Variants in PDE1C observed in about 807,000 individuals in gnomAD.
PDE1C encodes phosphodiesterase 1C.
In PDE1C, 62 loss-of-function variants were observed where a neutral mutation model predicts 93.1. The observed-to-expected ratio is 0.67, with a 90% CI of 0.54 to 0.82. The LOEUF is 0.82. PDE1C is among the 40% of genes least tolerant of loss of function. The pLI, the probability that PDE1C is intolerant of heterozygous loss-of-function variation, is 0.00. For missense variants in PDE1C, 742 were observed against 884.6 expected (o/e 0.84, Z 2.04); for synonymous variants, 325 against 310.1 (o/e 1.05, Z -0.50).
At chr7:32,367,866 C>T (rs1352690375) in intron 1 of PDE1C, among the ~76,000 whole-genome samples, 1 of 151,918 alleles carries the variant, frequency 6.6e-6, no homozygotes, top group Non-Finnish European at 1.5e-5. Context: ...TTGCTTGAGC[C>T]CAGGAGGTCA....
intron 1 of PDE1C, among the ~76,000 whole-genome samples, chr7:32,236,371 C>A (rs765300549): frequency 1.3e-5 from 2 of 152,084 alleles, no homozygotes; most frequent in Non-Finnish European, 1.5e-5. Context: ...AAAAGACAAG[C>A]TATAGCCTGG....
At chr7:32,384,506 T>A (rs1030412127) in intron 1 of PDE1C, among the ~76,000 whole-genome samples, 5 of 152,112 alleles carry the variant, frequency 3.3e-5, no homozygotes, top group African/African-American at 1.2e-4. Flanking sequence ...AGAGAAAGAA[T>A]ATGCCAGGCA....
chr7:31,842,101 AC>A (rs1791976753), intron 9 of PDE1C, among the ~76,000 whole-genome samples: 2 of 152,122 alleles, frequency 1.3e-5, no homozygotes, highest in Non-Finnish European at 2.9e-5. Context: ...ATAATGCTTG[AC>A]CAAATATCAG....
chr7:32,137,679 T>C (rs750689629), intron 3 of PDE1C, among the ~76,000 whole-genome samples: 2 of 152,230 alleles, frequency 1.3e-5, no homozygotes, highest in Non-Finnish European at 2.9e-5. Flanking sequence ...TACAATTTAT[T>C]CGACCTATTA....
At chr7:31,677,697 T>G in the PDE1C span, among the ~76,000 whole-genome samples, 18,457 of 152,156 alleles carry the variant, frequency 0.12, 1,260 homozygotes, top group Middle Eastern at 0.17. Context: ...ATTAGAAAAC[T>G]TCTAGGCTTT....
intron 1 of PDE1C, among the ~76,000 whole-genome samples, chr7:32,419,496 T>C (rs543258771): frequency 1.3e-5 from 2 of 152,258 alleles, no homozygotes; most frequent in East Asian, 1.9e-4. Flanking sequence ...ACCTCATTAG[T>C]AGCTTCACAA....
chr7:32,088,941 G>A (rs1279231538), intron 3 of PDE1C, among the ~76,000 whole-genome samples: 2 of 152,182 alleles, frequency 1.3e-5, no homozygotes. Flanking sequence ...GGCAAGGACT[G>A]TGCAATGCAC....
chr7:32,023,281 A>G (rs749787441), intron 2 of PDE1C, among the ~76,000 whole-genome samples: 1 of 152,078 alleles, frequency 6.6e-6, no homozygotes, highest in Non-Finnish European at 1.5e-5. Context: ...ATCTCTTATG[A>G]CCCATGATGT....
chr7:31,935,828 G>C (rs534819542), intron 2 of PDE1C, among the ~76,000 whole-genome samples: 24 of 151,528 alleles, frequency 1.6e-4, no homozygotes, highest in South Asian at 4.2e-4. Context: ...ACGTCACCAA[G>C]CAGCAGCTGA....
At chr7:32,191,543 G>GATGACTC (rs148250463) in intron 2 of PDE1C, among the ~76,000 whole-genome samples, 7,132 of 152,200 alleles carry the variant, frequency 0.047, 203 homozygotes, top group African/African-American at 0.078. Flanking sequence ...AGTCATCCAG[G>GATGACTC]TTGTTGCATG....
intron 2 of PDE1C, among the ~76,000 whole-genome samples, chr7:31,948,814 AT>A (rs1256660850): frequency 6.6e-6 from 1 of 152,218 alleles, no homozygotes; most frequent in Admixed American, 6.5e-5. Flanking sequence ...GTAATCACAA[AT>A]CTGGCAACCA....
Position 31,759,165 on chromosome 7 carries a change from A to T in PDE1C, c.1961-5612T>A, listed in dbSNP as rs868740662. 3.3e-5 allele frequency among the ~76,000 whole-genome samples: 5 copies of T among 152,200 alleles called. No individual in the cohort carries two copies. The South Asian group carries it at 1.0e-3, about 32-fold the overall frequency. ...AAAATTTCGTACATTGCTGTTTTGT[A>T]TGCATTCATTGCCTTTCCCCTCTGC... is the stretch of plus-strand genomic sequence containing the variant. On this transcript the variant is annotated intron_variant, in intron 17 of 17. Coordinates refer to ENST00000396191, the MANE Select transcript of PDE1C (RefSeq NM_001191057.4).
chr7:32,127,813 C>A (rs967893626), intron 3 of PDE1C, among the ~76,000 whole-genome samples: 2 of 151,820 alleles, frequency 1.3e-5, no homozygotes, highest in African/African-American at 4.8e-5. Context: ...CCTATTTAAC[C>A]ATAAAGTTAG....
chr7:31,719,959 G>A, the PDE1C span, among the ~76,000 whole-genome samples: 6 of 151,958 alleles, frequency 3.9e-5, no homozygotes, highest in South Asian at 4.1e-4. Flanking sequence ...TCAGGAGATC[G>A]AGACCATCCT....
the PDE1C span, among the ~76,000 whole-genome samples, chr7:31,700,506 G>A: frequency 2.0e-5 from 3 of 152,180 alleles, no homozygotes; most frequent in East Asian, 1.9e-4. Context: ...AGCAACAAGC[G>A]CTGATGTAGA....
chr7:32,141,013 A>T (rs1800491815), intron 3 of PDE1C, among the ~76,000 whole-genome samples: 2 of 152,398 alleles, frequency 1.3e-5, no homozygotes, highest in East Asian at 1.9e-4. Context: ...AATAGCTTTA[A>T]GGCCAAAATT....
the PDE1C span, among the ~76,000 whole-genome samples, chr7:31,694,405 C>T: frequency 6.6e-6 from 1 of 151,884 alleles, no homozygotes; most frequent in African/African-American, 2.4e-5. Flanking sequence ...CACACACACA[C>T]ACACACACAC....
intron 3 of PDE1C, among the ~76,000 whole-genome samples, chr7:32,112,718 C>G (rs1798711632): frequency 6.6e-6 from 1 of 150,904 alleles, no homozygotes; most frequent in African/African-American, 2.4e-5. Context: ...CCCTAGCCTC[C>G]CAAAATGTTG....
At chr7:31,671,688 C>T in the PDE1C span, among the ~76,000 whole-genome samples, 1 of 152,132 alleles carries the variant, frequency 6.6e-6, no homozygotes, top group Non-Finnish European at 1.5e-5. Context: ...CTAAGTCCAC[C>T]ATGCTGGCAT....
Sources: allele counts gnomAD v4.1 joint callset (sites outside exome capture counted in the v4.1 genomes callset), GRCh38; gene constraint gnomAD v4.1.1; transcripts MANE v1.5; gene names NCBI Gene and HGNC (gene_info 2026-07-23, HGNC 2026-07-21).